Variants in NAV2 observed in about 807,000 individuals in gnomAD.
The protein encoded by NAV2 is neuron navigator 2.
In NAV2, 54 loss-of-function variants were observed where a neutral mutation model predicts 223.2. That is an observed-to-expected ratio of 0.24 (90% confidence interval 0.19 to 0.30). The LOEUF (loss-of-function observed/expected upper bound fraction) is 0.30, where lower values mean the gene tolerates loss of function less well. NAV2 is among the 10% of genes least tolerant of loss of function. The pLI, the probability that NAV2 is intolerant of heterozygous loss-of-function variation, is 1.00. For synonymous variants in NAV2, 1,279 were observed against 1,239.3 expected, an observed-to-expected ratio of 1.03 and a Z score of -0.67; for missense variants, 2,806 against 3,147.5, an observed-to-expected ratio of 0.89 and a Z score of 2.60.
intron 1 of NAV2, among the ~76,000 whole-genome samples, chr11:19,745,957 G>T (rs12223569): frequency 0.082 from 12,524 of 152,200 alleles, 669 homozygotes; most frequent in East Asian, 0.24. Context: ...GATCAGGGCT[G>T]ACCGTATTTA....
chr11:19,956,062 G>A (rs754411937), intron 10 of NAV2, among the ~76,000 whole-genome samples: 3 of 152,140 alleles, frequency 2.0e-5, no homozygotes, highest in Non-Finnish European at 4.4e-5. Context: ...GGGAAGTTCA[G>A]GTTGCCAGCC....
chr11:19,413,893 G>C (rs544790885), intron 1 of NAV2, among the ~76,000 whole-genome samples: 2 of 152,072 alleles, frequency 1.3e-5, no homozygotes, highest in Non-Finnish European at 2.9e-5. Context: ...CCACCACCAG[G>C]CCTGCTTTAT....
At chr11:19,719,595 C>T (rs1479093781) in intron 1 of NAV2, among the ~76,000 whole-genome samples, 6 of 152,150 alleles carry the variant, frequency 3.9e-5, no homozygotes, top group African/African-American at 2.4e-5. Context: ...TTTTTGTTAC[C>T]TAAGGTCAGA....
At chr11:19,930,206 C>T (rs111554924) in intron 6 of NAV2, among the ~76,000 whole-genome samples, 18 of 152,226 alleles carry the variant, frequency 1.2e-4, no homozygotes, top group African/African-American at 4.1e-4. Context: ...ATAAACCAGG[C>T]CTGAGAGTCT....
chr11:20,017,694 A>G (rs952688898), intron 11 of NAV2, among the ~76,000 whole-genome samples: 1 of 152,102 alleles, frequency 6.6e-6, no homozygotes, highest in Non-Finnish European at 1.5e-5. Context: ...AATGTTGTTC[A>G]TTTTCTACCC....
intron 1 of NAV2, among the ~76,000 whole-genome samples, chr11:19,546,632 G>T (rs1227787433): frequency 1.3e-5 from 2 of 152,170 alleles, no homozygotes; most frequent in Admixed American, 1.3e-4. Flanking sequence ...TAGGCTTTTT[G>T]GGGGTGTTTT....
intron 1 of NAV2, among the ~76,000 whole-genome samples, chr11:19,509,380 G>A (rs1167842228): frequency 6.6e-6 from 1 of 152,198 alleles, no homozygotes; most frequent in Non-Finnish European, 1.5e-5. Context: ...AACCCTCAAA[G>A]GAGGCACCTT....
In NAV2 at chr11:19,998,850, A is replaced by G. The variant is rs2625306; in HGVS notation, c.2768+14603A>G. On this transcript the variant is annotated intron_variant, in intron 11 of 37. Transcript: ENST00000349880. This position sits in a 1 kb window ranked among gnomAD's most constrained non-coding sequence, Gnocchi z 5.0. ...GTTGGTTTCTTTTTGGAAACTGTTT[A>G]TTTGACATCTCTTACTTTCATGTGT... Among the ~76,000 whole-genome samples, 6,763 of 152,200 alleles carry G rather than the reference A, an allele frequency of 0.044. 490 individuals are homozygous for G. The highest frequency in any genetic ancestry group is 0.15 in the African/African-American group (6,300 of 41,508).
rs543018054 is a variant in NAV2 at position 19,987,067 on chromosome 11, C to T, written c.2768+2820C>T. On this transcript the variant is annotated intron_variant, in intron 11 of 37. Coordinates refer to ENST00000349880, the MANE Select transcript of NAV2 (RefSeq NM_145117.5). ...TATTTTTTTAAAAACTTACAACTAG[C>T]ACATCAAACCTGTGATTTTACAAAT... Among the ~76,000 whole-genome samples, 175 of 152,236 alleles carry T rather than the reference C, an allele frequency of 1.1e-3. 1 individual carries two copies. The highest frequency in any genetic ancestry group is 4.0e-3 in the African/African-American group (167 of 41,532).
At chr11:19,472,212 C>T (rs2041985676) in intron 1 of NAV2, among the ~76,000 whole-genome samples, 1 of 152,100 alleles carries the variant, frequency 6.6e-6, no homozygotes, top group Non-Finnish European at 1.5e-5. Context: ...TAGACAGGAA[C>T]ATGGGGCAGA....
rs942999741 is a variant in NAV2, at chr11:19,443,074, G to A, written c.75+92047G>A. ...GTAGTAAAAAGAGCTTGAGCTTTGG[G>A]AATGAGACATGAATCTTGGGCATCA... On this transcript the variant is annotated intron_variant, in intron 1 of 37. Coordinates refer to the NAV2 transcript ENST00000360655. Among the ~76,000 whole-genome samples, 24 of 152,290 alleles carry A rather than the reference G, an allele frequency of 1.6e-4. No homozygotes were observed. The East Asian group carries it at 4.6e-3, about 29-fold the overall frequency.
At chr11:20,102,900 T>G (rs770264195) in intron 32 of NAV2, among the ~76,000 whole-genome samples, 1 of 152,168 alleles carries the variant, frequency 6.6e-6, no homozygotes, top group African/African-American at 2.4e-5. Context: ...GACTTAAGTG[T>G]GTGTCTGGCT....
chr11:19,860,767 G>C (rs2061716248), intron 3 of NAV2, among the ~76,000 whole-genome samples: 1 of 152,068 alleles, frequency 6.6e-6, no homozygotes, highest in Admixed American at 6.5e-5. Flanking sequence ...AGGAGACTCC[G>C]TCTGCAATCC....
intron 10 of NAV2, among the ~76,000 whole-genome samples, chr11:19,953,227 A>G (rs2047543411): frequency 6.6e-6 from 1 of 152,192 alleles, no homozygotes; most frequent in Admixed American, 6.5e-5. Context: ...TGACCCTTTA[A>G]ATATAACATC....
chr11:19,917,815 T>C (rs2043933545), intron 6 of NAV2, among the ~76,000 whole-genome samples: 1 of 152,248 alleles, frequency 6.6e-6, no homozygotes, highest in African/African-American at 2.4e-5. Context: ...TTTCGCCATG[T>C]TGGCCAAGAC....
intron 11 of NAV2, chr11:20,027,316 A>C: frequency 4.1e-6 from 4 of 985,442 alleles, no homozygotes; most frequent in Non-Finnish European, 4.8e-6. Flanking sequence ...CCGGGGTTTC[A>C]CGGGAACAAT....
Position 20,093,116 on chromosome 11 carries a change from A to C in NAV2, c.5833A>C (p.Thr1945Pro). Residue 1945 changes from threonine to proline, a missense_variant, in exon 29 of 38, where the codon ACT becomes CCT. Around this residue, in one of 4 missense-constraint regions of NAV2, gnomAD observed 824 missense variants for 1,069.4 expected, o/e 0.77. Coordinates refer to ENST00000349880, the MANE Select transcript of NAV2 (RefSeq NM_145117.5). ...ATTCGCAGACATGTTGCTGGATGACACTGGTGAATGCTCGGCTCGGAAGGA... is the reference window on the plus strand; with the variant it reads ...ATTCGCAGACATGTTGCTGGATGACCCTGGTGAATGCTCGGCTCGGAAGGA... ...STSLDMLLDD[T>P]GECSARKEGG... 6.2e-7 allele frequency: 1 copy of C among 1,613,912 alleles called. No individual in the cohort carries two copies. The highest frequency in any genetic ancestry group is 1.3e-5 in the African/African-American group (1 of 75,000).
chr11:20,102,433 C>T (rs139329967), intron 32 of NAV2, among the ~76,000 whole-genome samples: 177 of 152,202 alleles, frequency 1.2e-3, no homozygotes, highest in Non-Finnish European at 1.7e-3. Flanking sequence ...GCTGCTTACC[C>T]GCTGTGCACT....
At chr11:19,953,327 T>G (rs956588437) in intron 10 of NAV2, among the ~76,000 whole-genome samples, 1 of 152,228 alleles carries the variant, frequency 6.6e-6, no homozygotes, top group Non-Finnish European at 1.5e-5. Context: ...AGGCTCTTCA[T>G]GGCCTTTGCC....
Sources: allele counts gnomAD v4.1 joint callset (sites outside exome capture counted in the v4.1 genomes callset), GRCh38; gene constraint gnomAD v4.1.1; regional missense constraint gnomAD v4.1.1; non-coding constraint Gnocchi (gnomAD v3.1); transcripts MANE v1.5; gene names NCBI Gene and HGNC (gene_info 2026-07-23, HGNC 2026-07-21).